Variants in HFM1 observed in about 807,000 individuals in gnomAD.
HFM1 encodes helicase for meiosis 1, also known as probable ATP-dependent DNA helicase HFM1.
A neutral mutation model predicts 192.1 loss-of-function variants in HFM1; 169 were observed. The ratio of observed to expected loss-of-function variants is 0.88; its 90% CI spans 0.78 to 1.00. The LOEUF (loss-of-function observed/expected upper bound fraction) is 1.00, where lower values mean the gene tolerates loss of function less well. Ranked by LOEUF, HFM1 falls within the 50% of genes least tolerant of loss-of-function variation. The pLI, the probability that HFM1 is intolerant of heterozygous loss-of-function variation, is 0.00. For missense variants in HFM1, 1,661 were observed against 1,668.0 expected (o/e 1.00, Z 0.07); for synonymous variants, 525 against 537.8 (o/e 0.98, Z 0.33).
intron 3 of HFM1, among the ~76,000 whole-genome samples, chr1:91,395,037 T>C (rs1404830358): frequency 6.6e-6 from 1 of 151,756 alleles, no homozygotes; most frequent in East Asian, 1.9e-4. Flanking sequence ...ATATATAACA[T>C]ATATGTAAAT....
rs765464144 is a variant in HFM1, at chr1:91,353,267, G to T, written c.1718C>A (p.Ser573Ter). The T allele has an allele frequency of 3.8e-6, 6 of 1,585,190 alleles. No individual in the cohort carries two copies. Among genetic ancestry groups the T allele is most frequent in the Non-Finnish European group, 5.2e-6 (6 of 1,156,076 alleles). ...ATCTCTAAACCTACCTCTCAGTTTT[G>T]AATCTCTTACGGAATATGCATACTT... ...LQKYAYSVRD[S>*]KLRDILKDGA... Residue 573 changes from serine (S) to a stop codon, truncating the protein, a stop_gained, in exon 14 of 39, where the codon TCA becomes TAA. Coordinates refer to ENST00000370425, the MANE Select transcript of HFM1 (RefSeq NM_001017975.6). LOFTEE classifies it high-confidence loss of function.
chr1:91,343,467 T>G lies in HFM1; in HGVS notation c.2298A>C (p.Leu766Phe), dbSNP rs781690914. The stretch of plus-strand genomic sequence containing the variant: ...AATTAACACCTTCATCCATCTTTAT[T>G]AAGTCCAGGGATGATAAATCATTCA... ...KNLNDLSSLD[L>F]IKMDEGVNFK... Residue 766 changes from leucine (L) to phenylalanine (F), a missense_variant, in exon 20 of 39, where the codon TTA becomes TTC. Leu to Phe is a conservative substitution (Grantham distance 22). Coordinates refer to ENST00000370425, the MANE Select transcript of HFM1 (RefSeq NM_001017975.6). The G allele has an allele frequency of 1.0e-5, 15 of 1,449,016 alleles. No homozygotes were observed. The highest frequency in any genetic ancestry group is 1.9e-5 in the Admixed American group (1 of 52,880). The allele number at this position is 1,449,016 out of a possible 1,614,324, so 89.8% of individuals were successfully genotyped here.
At chr1:91,322,883 G>T in intron 23 of HFM1, 67 bp downstream of exon 23, 1 of 749,364 alleles carries the variant, frequency 1.3e-6, no homozygotes, top group Non-Finnish European at 2.0e-6. Flanking sequence ...TCTGTATTAA[G>T]AAAAACAAAT....
intron 30 of HFM1, among the ~76,000 whole-genome samples, chr1:91,297,140 T>C (rs1647743634): frequency 6.6e-6 from 1 of 152,148 alleles, no homozygotes; most frequent in Admixed American, 6.5e-5. Context: ...CACCAGGAGA[T>C]TATATCACGC....
At chr1:91,289,598 G>A (rs980271504) in intron 30 of HFM1, among the ~76,000 whole-genome samples, 5 of 152,168 alleles carry the variant, frequency 3.3e-5, no homozygotes, top group Admixed American at 6.5e-5. Flanking sequence ...GCGAGACTCC[G>A]TCTGCAATCC....
At chr1:91,328,463 G>T in intron 20 of HFM1, 2 of 1,613,328 alleles carry the variant, frequency 1.2e-6, no homozygotes, top group South Asian at 2.2e-5. Flanking sequence ...AGCTACTTTG[G>T]CCGTAAGGTG....
Position 91,328,768 on chromosome 1 carries a change from G to C in HFM1, c.2336-4002C>G. 5 of 1,610,932 alleles carry C rather than the reference G, an allele frequency of 3.1e-6. No homozygotes were observed. In the Admixed American group the frequency reaches 5.0e-5, roughly 16 times the overall value. ...AGGTGGTGGAAAAATTCACTAAGTG[G>C]CTGGTGAAGGTCACTAAGCAGCACA... On this transcript the variant is annotated intron_variant, in intron 20 of 38. Transcript: ENST00000370425.
intron 13 of HFM1, among the ~76,000 whole-genome samples, chr1:91,369,642 A>G (rs1350623003): frequency 1.3e-5 from 2 of 152,218 alleles, no homozygotes; most frequent in East Asian, 3.8e-4. Context: ...GAAAGCAGGA[A>G]AGATAAAAAT....
intron 1 of HFM1, among the ~76,000 whole-genome samples, chr1:91,402,097 T>C (rs2102221357): frequency 6.6e-6 from 1 of 152,306 alleles, no homozygotes; most frequent in East Asian, 1.9e-4. Context: ...TTTTAGTTAA[T>C]ACATTGTAAA....
chr1:91,378,323 T>C, intron 10 of HFM1, 80 bp downstream of exon 10: 1 of 1,296,218 alleles, frequency 7.7e-7, no homozygotes, highest in Admixed American at 1.9e-5. Flanking sequence ...ACATATAGTT[T>C]GGTTGCAATG....
chr1:91,381,763 G>C (rs1661572509), intron 6 of HFM1, among the ~76,000 whole-genome samples: 1 of 152,088 alleles, frequency 6.6e-6, no homozygotes, highest in Admixed American at 6.6e-5. Flanking sequence ...CTACAATTGA[G>C]ACTGTTATAA....
chr1:91,298,510 G>C (rs1570850121), intron 30 of HFM1, among the ~76,000 whole-genome samples: 1 of 76,050 alleles, frequency 1.3e-5, no homozygotes, highest in Non-Finnish European at 2.6e-5. Flanking sequence ...TTGAAATGAA[G>C]GAAAAAATGT....
chr1:91,352,960 AAGC>A, intron 15 of HFM1, 88 bp downstream of exon 15: 1 of 781,390 alleles, frequency 1.3e-6, no homozygotes, highest in Non-Finnish European at 2.1e-6. Context: ...AAGCAGAAAC[AAGC>A]AGAACACTTG....
At chr1:91,268,370 C>T (rs1665961366) in intron 34 of HFM1, among the ~76,000 whole-genome samples, 1 of 151,814 alleles carries the variant, frequency 6.6e-6, no homozygotes, top group Non-Finnish European at 1.5e-5. Context: ...TTTTCTCCTG[C>T]TAAAAAATCC....
intron 37 of HFM1, 30 bp from the exon 38 acceptor site, chr1:91,262,422 T>A: frequency 6.3e-7 from 1 of 1,580,456 alleles, no homozygotes; most frequent in Non-Finnish European, 8.6e-7. Flanking sequence ...TAACAATCAT[T>A]GAAAGTTTAA....
chr1:91,347,561 T>C (rs1656308145), intron 18 of HFM1, 85 bp from the exon 19 acceptor site: 1 of 725,578 alleles, frequency 1.4e-6, no homozygotes, highest in East Asian at 2.9e-5. Context: ...AAGAGCAGTC[T>C]AATGAAATCT....
intron 35 of HFM1, among the ~76,000 whole-genome samples, chr1:91,266,560 G>T (rs1488436832): frequency 6.6e-6 from 1 of 152,112 alleles, no homozygotes; most frequent in Non-Finnish European, 1.5e-5. Context: ...CGTTATTTAT[G>T]TACTTACATT....
intron 4 of HFM1, among the ~76,000 whole-genome samples, chr1:91,389,904 A>T (rs1179350634): frequency 1.3e-5 from 2 of 152,194 alleles, no homozygotes; most frequent in Non-Finnish European, 2.9e-5. Flanking sequence ...TTTGGAAAAC[A>T]ATTTGGCAGT....
intron 32 of HFM1, among the ~76,000 whole-genome samples, 181 bp from the exon 33 acceptor site, chr1:91,274,990 T>TTG (rs1553183110): frequency 4.6e-5 from 7 of 151,060 alleles, no homozygotes; most frequent in Admixed American, 4.6e-4. Flanking sequence ...TTGGCATTTT[T>TTG]TTTTTTTTTT....
Sources: gnomAD v4.1 joint callset for allele counts (sites outside exome capture counted in the v4.1 genomes callset) on GRCh38, gnomAD v4.1.1 for gene constraint, MANE v1.5 for transcripts, NCBI Gene and HGNC (gene_info 2026-07-23, HGNC 2026-07-21) for gene names.